The following MAP1B variants were observed in gnomAD, a reference collection of about 807,000 sequenced individuals.
MAP1B encodes the protein microtubule associated protein 1B, also known as microtubule-associated protein 1B.
A neutral mutation model predicts 176.1 loss-of-function variants in MAP1B; 12 were observed. That is an observed-to-expected ratio of 0.07 (90% CI 0.04 to 0.11). MAP1B has a LOEUF of 0.11. Ranked by LOEUF, MAP1B falls within the 10% of genes least tolerant of loss-of-function variation. The probability of loss-of-function intolerance (pLI) is 1.00; values close to 1 mark genes in which losing one functional copy is unlikely to be tolerated. For missense variants in MAP1B, 2,523 were observed against 2,990.5 expected (o/e 0.84, Z 3.65); for synonymous variants, 1,044 against 1,135.0 (o/e 0.92, Z 1.61).
At chr5:72,139,352 G>A (rs141954079) in intron 2 of MAP1B, among the ~76,000 whole-genome samples, 15 of 152,304 alleles carry the variant, frequency 9.8e-5, no homozygotes, top group African/African-American at 2.2e-4. Flanking sequence ...CTGGGTTCTC[G>A]TTCTGGCTGC....
Position 72,199,399 on chromosome 5 carries a change from C to G in MAP1B, c.6044C>G (p.Thr2015Ser). 1.2e-6 allele frequency: 2 copies of G among 1,614,160 alleles called. No individual in the cohort carries two copies. The highest frequency in any genetic ancestry group is 1.7e-6 in the Non-Finnish European group (2 of 1,180,024). Residue 2015 changes from threonine to serine, a missense_variant, in exon 5 of 7, where the codon ACC becomes AGC. Thr to Ser is a moderately conservative substitution (Grantham distance 58, BLOSUM62 1). This residue lies in a region of MAP1B where 1,925 missense variants were observed against 2,126.0 expected (regional missense o/e 0.91). Transcript: ENST00000296755. This position sits in a 1 kb window ranked among gnomAD's most constrained non-coding sequence, Gnocchi z 4.2. Reference protein sequence around the residue: ...SYSYETTEKITSFPESEGYSY... With the variant: ...SYSYETTEKISSFPESEGYSY... ...TCTTATGAAACCACTGAGAAAATTA[C>G]CAGTTTCCCTGAGTCTGAAGGTTAT... is the stretch of plus-strand genomic sequence containing the variant.
At position 72,112,248 on chromosome 5, in the gene MAP1B, G is replaced by A. The variant is rs959200453; in HGVS notation, c.185-3450G>A. 4.6e-5 allele frequency among the ~76,000 whole-genome samples: 7 copies of A among 152,182 alleles called. No individual in the cohort carries two copies. In the East Asian group the frequency reaches 7.7e-4, roughly 17 times the overall value. ...CAAAGGCCCAAATAACTGTCAGATA[G>A]AACCCATGTGCCATCAACATACAAT... On this transcript the variant is annotated intron_variant, in intron 1 of 6. Transcript: ENST00000296755.
intron 2 of MAP1B, among the ~76,000 whole-genome samples, chr5:72,181,765 G>A (rs1001468462): frequency 1.1e-4 from 17 of 149,370 alleles, no homozygotes; most frequent in African/African-American, 4.2e-4. Context: ...ACTGTTGTCG[G>A]GGCTGGAGTG....
rs1320895702 is a variant in MAP1B, at chr5:72,195,277, A to G, written c.1922A>G (p.Glu641Gly). The G allele has an allele frequency of 6.2e-7, 1 of 1,613,776 alleles. No individual in the cohort carries two copies. Among genetic ancestry groups the G allele is most frequent in the Admixed American group, 1.7e-5 (1 of 59,958 alleles). ...KAAKEKTVKK[E>G]TKVKPEDKKE... ...GCCAAGGAGAAGACGGTGAAAAAGG[A>G]AACAAAGGTAAAGCCTGAAGACAAG... is the stretch of plus-strand genomic sequence containing the variant. The change falls in exon 5 of 7, where the codon GAA becomes GGA. Residue 641 changes from glutamate to glycine, a missense_variant. This residue lies in a region of MAP1B where 1,925 missense variants were observed against 2,126.0 expected (regional missense o/e 0.91). Coordinates refer to ENST00000296755, the MANE Select transcript of MAP1B (RefSeq NM_005909.5).
At chr5:72,145,763 G>A (rs1408792171) in intron 2 of MAP1B, among the ~76,000 whole-genome samples, 1 of 152,198 alleles carries the variant, frequency 6.6e-6, no homozygotes, top group Non-Finnish European at 1.5e-5. Flanking sequence ...ATTATGATAT[G>A]CCCAGCGGTC....
chr5:72,115,563 T>C, intron 1 of MAP1B, 135 bp from the exon 2 acceptor site: 1 of 642,966 alleles, frequency 1.6e-6, no homozygotes, highest in Admixed American at 2.2e-5. Flanking sequence ...CATCCACTGC[T>C]AAGCCACCAA....
chr5:72,155,977 G>T (rs1370099884), intron 2 of MAP1B, among the ~76,000 whole-genome samples: 1 of 152,198 alleles, frequency 6.6e-6, no homozygotes, highest in African/African-American at 2.4e-5. Flanking sequence ...ACATTGGTCA[G>T]GTTGGTCTTG....
chr5:72,165,899 A>G (rs1229313536), intron 2 of MAP1B, among the ~76,000 whole-genome samples: 2 of 152,184 alleles, frequency 1.3e-5, no homozygotes, highest in Non-Finnish European at 2.9e-5. Flanking sequence ...TAACTGTAGA[A>G]CCAGATAGAC....
intron 2 of MAP1B, among the ~76,000 whole-genome samples, chr5:72,161,273 G>A (rs77074331): frequency 6.6e-6 from 1 of 152,306 alleles, no homozygotes; most frequent in South Asian, 2.1e-4. Flanking sequence ...CTATACCCTG[G>A]TTTTCCATGT....
intron 2 of MAP1B, among the ~76,000 whole-genome samples, chr5:72,180,064 C>A (rs1180659799): frequency 6.6e-6 from 1 of 152,144 alleles, no homozygotes; most frequent in Non-Finnish European, 1.5e-5. Flanking sequence ...GCTGTGGAGG[C>A]AGGTGGACTG....
At position 72,197,326 on chromosome 5, in the gene MAP1B, C is replaced by T; in HGVS notation, c.3971C>T (p.Ser1324Phe). 1 of 1,614,216 alleles carries T rather than the reference C, an allele frequency of 6.2e-7. No individual in the cohort carries two copies. Among genetic ancestry groups the T allele is most frequent in the Non-Finnish European group, 8.5e-7 (1 of 1,180,036 alleles). The change falls in exon 5 of 7, where the codon TCT becomes TTT. Residue 1324 changes from serine to phenylalanine, a missense_variant. Coordinates refer to ENST00000296755, the MANE Select transcript of MAP1B (RefSeq NM_005909.5). ...EDKTLEVVSP[S>F]QSVTGSAGHT... is the part of the protein sequence containing the mutation. ...AAGACTCTGGAAGTGGTGTCACCAT[C>T]TCAGTCCGTGACTGGCAGTGCTGGT...
chr5:72,199,424 T>C lies in MAP1B; in HGVS notation c.6069T>C (p.Tyr2023=), dbSNP rs757710533. 1 of 1,614,136 alleles carries C rather than the reference T, an allele frequency of 6.2e-7. No homozygotes were observed. The highest frequency in any genetic ancestry group is 2.2e-5 in the East Asian group (1 of 44,868). Residue 2023 remains tyrosine (Y), a synonymous_variant, in exon 5 of 7, where the codon TAT becomes TAC. Coordinates refer to ENST00000296755, the MANE Select transcript of MAP1B (RefSeq NM_005909.5). This position sits in a 1 kb window ranked among gnomAD's most constrained non-coding sequence, Gnocchi z 4.2. ...KITSFPESEG[Y]SYETSTKTTR... is the part of the protein sequence containing the mutation. Reference sequence around the variant, plus strand: ...CCAGTTTCCCTGAGTCTGAAGGTTATTCCTATGAGACATCTACAAAGACAA... The same window carrying C: ...CCAGTTTCCCTGAGTCTGAAGGTTACTCCTATGAGACATCTACAAAGACAA...
rs187237367 is a variant in MAP1B at position 72,179,318 on chromosome 5, G to A, written c.287-4425G>A. Among the ~76,000 whole-genome samples, 38 of 152,322 alleles carry A rather than the reference G, an allele frequency of 2.5e-4. No individual in the cohort carries two copies. The East Asian group carries it at 5.4e-3, about 22-fold the overall frequency. On this transcript the variant is annotated intron_variant, in intron 2 of 6. Transcript: ENST00000296755. ...TTAACAATTCATGGGGCTGCCTAAGGGTTTCCCTGTGAGGTGTCGAATGGA... is the reference window on the plus strand; with the variant it reads ...TTAACAATTCATGGGGCTGCCTAAGAGTTTCCCTGTGAGGTGTCGAATGGA...
In MAP1B at chr5:72,198,380, C is replaced by T. The variant is rs768923611; in HGVS notation, c.5025C>T (p.Gly1675=). Residue 1675 remains glycine, a synonymous_variant, in exon 5 of 7, where the codon GGC becomes GGT. Transcript: ENST00000296755. ...CAGATCACCCTACAGTGGGTGCAGGCGTGCTTCACATCACTGAAAATGGGC... is the reference window on the plus strand; with the variant it reads ...CAGATCACCCTACAGTGGGTGCAGGTGTGCTTCACATCACTGAAAATGGGC... ...QSPDHPTVGA[G]VLHITENGPT... is the part of the protein sequence containing the mutation. 43 of 1,613,972 alleles carry T rather than the reference C, an allele frequency of 2.7e-5. No homozygotes were observed. The highest frequency in any genetic ancestry group is 2.1e-4 in the African/African-American group (16 of 74,930).
In MAP1B at chr5:72,115,705, A is replaced by G. The variant is rs764501030; in HGVS notation, c.192A>G (p.Arg64=). The G allele has an allele frequency of 6.2e-7, 1 of 1,606,550 alleles. No homozygotes were observed. Among genetic ancestry groups the G allele is most frequent in the South Asian group, 1.1e-5 (1 of 90,922 alleles). ...CTTTCTTTCCCTCCCTAGGAATCCG[A>G]TCATGGGACACAAACCTGATTGAAT... ...RAIGNIELGI[R]SWDTNLIECN... Residue 64 remains arginine (R), a synonymous_variant, in exon 2 of 7, where the codon CGA becomes CGG. Coordinates refer to ENST00000296755, the MANE Select transcript of MAP1B (RefSeq NM_005909.5).
Position 72,194,143 on chromosome 5 carries a change from A to G in MAP1B, c.788A>G (p.Tyr263Cys). 1 of 1,614,148 alleles carries G rather than the reference A, an allele frequency of 6.2e-7. No individual in the cohort carries two copies. Among genetic ancestry groups the G allele is most frequent in the Non-Finnish European group, 8.5e-7 (1 of 1,180,008 alleles). The change falls in exon 5 of 7, where the codon TAT becomes TGT. Residue 263 changes from tyrosine to cysteine, a missense_variant. This residue lies in a region of MAP1B where 307 missense variants were observed against 438.4 expected (regional missense o/e 0.70). Coordinates refer to ENST00000296755, the MANE Select transcript of MAP1B (RefSeq NM_005909.5). This position sits in a 1 kb window ranked among gnomAD's most constrained non-coding sequence, Gnocchi z 7.2. ...GFLKLSKPCC[Y>C]IFPGGRGDSA... is the part of the protein sequence containing the mutation. ...CTGAAGCTCTCCAAGCCCTGCTGTT[A>G]TATTTTTCCAGGAGGGAGGGGCGAT...
intron 2 of MAP1B, among the ~76,000 whole-genome samples, chr5:72,159,480 T>A (rs901285550): frequency 6.6e-6 from 1 of 152,236 alleles, no homozygotes; most frequent in African/African-American, 2.4e-5. Context: ...ACTAGATGCC[T>A]ACTTCCTGTG....
intron 2 of MAP1B, among the ~76,000 whole-genome samples, chr5:72,156,946 G>C (rs1402334326): frequency 1.3e-5 from 2 of 152,186 alleles, no homozygotes; most frequent in African/African-American, 4.8e-5. Flanking sequence ...TGTAAGTCAC[G>C]AGTCAGAACT....
intron 2 of MAP1B, among the ~76,000 whole-genome samples, chr5:72,174,471 C>T (rs1746611241): frequency 6.6e-6 from 1 of 152,184 alleles, no homozygotes; most frequent in African/African-American, 2.4e-5. Context: ...TTCTGTAAAA[C>T]AAGAGGAAGA....
Sources: allele counts gnomAD v4.1 joint callset (sites outside exome capture counted in the v4.1 genomes callset), GRCh38; gene constraint gnomAD v4.1.1; regional missense constraint gnomAD v4.1.1; non-coding constraint Gnocchi (gnomAD v3.1); transcripts MANE v1.5; gene names NCBI Gene and HGNC (gene_info 2026-07-23, HGNC 2026-07-21).